Variants in SDK2 observed in about 807,000 individuals in gnomAD.
SDK2 encodes the protein sidekick cell adhesion molecule 2.
A neutral mutation model predicts 253.9 loss-of-function variants in SDK2; 105 were observed. The ratio of observed to expected loss-of-function variants is 0.41; its 90% CI spans 0.35 to 0.49. The LOEUF (loss-of-function observed/expected upper bound fraction) is 0.49, where lower values mean the gene tolerates loss of function less well. Among genes scored for constraint, SDK2 ranks in the 20% least tolerant of loss-of-function variants. SDK2 has a pLI of 0.06. For synonymous variants in SDK2, 1,249 were observed against 1,234.9 expected (o/e 1.01, Z -0.24); for missense variants, 2,608 against 3,003.0 (o/e 0.87, Z 3.07).
Position 73,541,590 on chromosome 17 carries a change from A to G in SDK2, c.65-33993T>C, listed in dbSNP as rs375663228. On this transcript the variant is annotated intron_variant, in intron 1 of 44. Transcript: ENST00000392650. The surrounding 1 kb of genome is among the most constrained non-coding windows in gnomAD (Gnocchi z 4.3). ...CGACTTCAAGGCCAGAGCTCGCCCC[A>G]CCCTCCCTCCGTCTCTCCCTGCTGG... 8.1e-4 allele frequency among the ~76,000 whole-genome samples: 121 copies of G among 148,692 alleles called. 3 individuals are homozygous for G. In the South Asian group the frequency reaches 0.025, roughly 30 times the overall value.
rs371887605 is a variant in SDK2 at position 73,514,882 on chromosome 17, CA to C, written c.65-7286del. ...ATTACCACGGCCTCTTAATGGGTGC[CA>C]GGGGTGGAAACCTGTGCTCCTTACC... On this transcript the variant is annotated intron_variant, in intron 1 of 44. Transcript: ENST00000392650. Among the ~76,000 whole-genome samples the C allele has an allele frequency of 3.3e-4, 50 of 152,266 alleles. No individual in the cohort carries two copies. The South Asian group carries it at 9.1e-3, about 28-fold the overall frequency.
At chr17:73,516,397 ACT>A (rs1042357328) in intron 1 of SDK2, among the ~76,000 whole-genome samples, 22 of 152,058 alleles carry the variant, frequency 1.4e-4, no homozygotes, top group Admixed American at 6.5e-4. Context: ...TGGGGCAGGG[ACT>A]CTCTAGCTGC....
At chr17:73,463,632 T>A (rs899494454) in intron 3 of SDK2, among the ~76,000 whole-genome samples, 3 of 152,214 alleles carry the variant, frequency 2.0e-5, no homozygotes, top group Non-Finnish European at 2.9e-5. Context: ...TTACACAATT[T>A]GTGGTCAATG....
At chr17:73,471,258 C>A (rs558020997) in intron 3 of SDK2, among the ~76,000 whole-genome samples, 13 of 152,252 alleles carry the variant, frequency 8.5e-5, no homozygotes, top group Middle Eastern at 3.4e-3. Context: ...ATCACGGAGA[C>A]CCTCAGGCTG....
At chr17:73,366,583 C>T (rs558991136) in intron 37 of SDK2, among the ~76,000 whole-genome samples, 6 of 152,298 alleles carry the variant, frequency 3.9e-5, no homozygotes, top group African/African-American at 1.4e-4. Context: ...GGCAAAAGGC[C>T]AGTATTCCAG....
intron 1 of SDK2, among the ~76,000 whole-genome samples, chr17:73,632,616 C>A (rs1733961548): frequency 6.6e-6 from 1 of 152,126 alleles, no homozygotes; most frequent in Admixed American, 6.5e-5. Flanking sequence ...CTGTGTGATC[C>A]AATACTCTTA....
intron 3 of SDK2, among the ~76,000 whole-genome samples, chr17:73,463,796 G>A (rs1016253635): frequency 1.3e-5 from 2 of 152,120 alleles, no homozygotes; most frequent in Admixed American, 6.6e-5. Context: ...TGTGGATCAC[G>A]CTTCATTTGT....
intron 4 of SDK2, among the ~76,000 whole-genome samples, chr17:73,452,192 G>A (rs1350626612): frequency 6.6e-6 from 1 of 152,122 alleles, no homozygotes; most frequent in East Asian, 1.9e-4. Context: ...TGAGCACCGG[G>A]GCATGCATGA....
intron 2 of SDK2, among the ~76,000 whole-genome samples, chr17:73,505,010 C>G (rs1258767924): frequency 6.6e-6 from 1 of 152,028 alleles, no homozygotes; most frequent in African/African-American, 2.4e-5. Context: ...ATCCAACACT[C>G]TTAGGGGCGA....
Position 73,629,214 on chromosome 17 carries a change from A to C in SDK2, c.64+14811T>G, listed in dbSNP as rs1431442126. On this transcript the variant is annotated intron_variant, in intron 1 of 44. Coordinates refer to ENST00000392650, the MANE Select transcript of SDK2 (RefSeq NM_001144952.2). The surrounding 1 kb of genome is among the most constrained non-coding windows in gnomAD (Gnocchi z 5.0). Reference sequence around the variant, plus strand: ...TTAGTAATTCTCTTTGTTCCCTACCATTTTAGCTCAGATACGGGCCCTCAG... The same window carrying C: ...TTAGTAATTCTCTTTGTTCCCTACCCTTTTAGCTCAGATACGGGCCCTCAG... 6.6e-6 allele frequency among the ~76,000 whole-genome samples: 1 copy of C among 152,084 alleles called. No individual in the cohort carries two copies. The highest frequency in any genetic ancestry group is 1.5e-5 in the Non-Finnish European group (1 of 68,014).
chr17:73,456,375 C>T (rs562920784), intron 3 of SDK2, among the ~76,000 whole-genome samples: 169 of 152,292 alleles, frequency 1.1e-3, no homozygotes, highest in African/African-American at 3.9e-3. Context: ...GTTAACTTGT[C>T]TAAGGTCACC....
At chr17:73,350,835 TC>T (rs766088843) in intron 41 of SDK2, 45 bp from the exon 42 acceptor site, 13 of 1,552,778 alleles carry the variant, frequency 8.4e-6, no homozygotes, top group Non-Finnish European at 1.0e-5. Flanking sequence ...AGCCCCCTCC[TC>T]CCTCCAAATC....
chr17:73,602,561 T>TCC (rs1225349709), intron 1 of SDK2, among the ~76,000 whole-genome samples: 2 of 151,416 alleles, frequency 1.3e-5, no homozygotes, highest in Non-Finnish European at 2.9e-5. Flanking sequence ...TGCAGAATCC[T>TCC]CCTTTTTTGA....
intron 1 of SDK2, among the ~76,000 whole-genome samples, chr17:73,619,872 G>T (rs2046106985): frequency 6.6e-6 from 1 of 152,036 alleles, no homozygotes; most frequent in African/African-American, 2.4e-5. Context: ...CCTTACAACT[G>T]AACAACAACA....
In SDK2 at chr17:73,431,595, T is replaced by G; in HGVS notation, c.1387A>C (p.Ser463Arg). The G allele has an allele frequency of 6.2e-7, 1 of 1,612,364 alleles. No individual in the cohort carries two copies. The highest frequency in any genetic ancestry group is 8.5e-7 in the Non-Finnish European group (1 of 1,179,388). The part of the protein sequence containing the change: ...TPLESGSLLI[S>R]PTHISDAGTY... ...CCCGCATCGGAGATGTGTGTGGGGC[T>G]GATGAGGAGGCTGCCCGACTCCAGG... Residue 463 changes from serine to arginine, a missense_variant, in exon 11 of 45, where the codon AGC becomes CGC. Ser to Arg is a moderately radical substitution (Grantham distance 110, BLOSUM62 -1). This residue lies in a region of SDK2 where 1,505 missense variants were observed against 1,859.1 expected (regional missense o/e 0.81). Coordinates refer to ENST00000392650, the MANE Select transcript of SDK2 (RefSeq NM_001144952.2). The surrounding 1 kb of genome is among the most constrained non-coding windows in gnomAD (Gnocchi z 5.6).
intron 1 of SDK2, among the ~76,000 whole-genome samples, chr17:73,523,192 C>T (rs965862657): frequency 2.0e-5 from 3 of 152,080 alleles, no homozygotes; most frequent in South Asian, 2.1e-4. Flanking sequence ...TTCACAGTCA[C>T]CTGCTGTCCC....
At chr17:73,390,536 G>T (rs536276635) in intron 28 of SDK2, 55 bp from the exon 29 acceptor site, 175 of 1,525,704 alleles carry the variant, frequency 1.1e-4, no homozygotes, top group African/African-American at 5.6e-4. Context: ...CGCTCCTAGG[G>T]CCCCGGGAAG....
intron 3 of SDK2, among the ~76,000 whole-genome samples, chr17:73,469,395 C>T (rs1277170901): frequency 1.3e-5 from 2 of 152,196 alleles, no homozygotes; most frequent in Non-Finnish European, 2.9e-5. Context: ...AGGGTCTGTG[C>T]CTGGGCAGAA....
At chr17:73,614,242 G>T (rs1004563269) in intron 1 of SDK2, among the ~76,000 whole-genome samples, 1 of 152,078 alleles carries the variant, frequency 6.6e-6, no homozygotes, top group African/African-American at 2.4e-5. Context: ...CCCACCTTCT[G>T]TGGCAGGCCT....
Sources: gnomAD v4.1 joint callset for allele counts (sites outside exome capture counted in the v4.1 genomes callset) on GRCh38, gnomAD v4.1.1 for gene constraint, gnomAD v4.1.1 regional missense constraint, Gnocchi (gnomAD v3.1) non-coding constraint, MANE v1.5 for transcripts, NCBI Gene and HGNC (gene_info 2026-07-23, HGNC 2026-07-21) for gene names.